RNLS: variants seen among roughly 807,000 people sequenced by gnomAD.
RNLS encodes the protein renalase.
In RNLS, 39 loss-of-function variants were observed where a neutral mutation model predicts 39.8. The observed-to-expected ratio is 0.98, with a 90% CI of 0.76 to 1.28. The LOEUF is 1.28. Among genes scored for constraint, RNLS ranks in the 50% most tolerant of loss-of-function variants. The pLI is 0.00. For missense variants in RNLS, 410 were observed against 413.3 expected (o/e 0.99, Z 0.07); for synonymous variants, 147 against 150.7 (o/e 0.98, Z 0.18).
intron 4 of RNLS, among the ~76,000 whole-genome samples, chr10:88,487,618 T>C (rs1373670207): frequency 6.6e-6 from 1 of 152,180 alleles, no homozygotes; most frequent in East Asian, 1.9e-4. Context: ...GGAACTCTCA[T>C]ATACTGCCAG....
rs544496231 is a variant in RNLS, at chr10:88,366,913, C to A, written c.527-4188G>T. Among the ~76,000 whole-genome samples the A allele has an allele frequency of 2.0e-5, 3 of 151,658 alleles. No homozygotes were observed. The East Asian group carries it at 5.8e-4, about 29-fold the overall frequency. On this transcript the variant is annotated intron_variant, in intron 4 of 6. Coordinates refer to ENST00000331772, the MANE Select transcript of RNLS (RefSeq NM_001031709.3). ...GCTCTCTATTAAACCAATTCACTGC[C>A]CATGACTTCATGGCCAGTGGAGCTC...
intron 4 of RNLS, among the ~76,000 whole-genome samples, chr10:88,446,545 C>G (rs978667733): frequency 1.4e-4 from 21 of 151,994 alleles, no homozygotes; most frequent in African/African-American, 4.6e-4. Context: ...TTGAAATGAT[C>G]AAGAAAATTG....
chr10:88,275,077 C>T (rs1279942379), intron 6 of RNLS: 3 of 1,395,412 alleles, frequency 2.1e-6, no homozygotes, highest in Non-Finnish European at 3.0e-6. Flanking sequence ...CCACCCAACA[C>T]AATGGCCTCT....
chr10:88,477,690 T>C (rs1427246218), intron 4 of RNLS, among the ~76,000 whole-genome samples: 2 of 152,200 alleles, frequency 1.3e-5, no homozygotes, highest in African/African-American at 4.8e-5. Context: ...GGCTAAAGGC[T>C]TCACATGCAT....
chr10:88,517,253 A>G (rs1031727573), intron 4 of RNLS, among the ~76,000 whole-genome samples: 2 of 151,964 alleles, frequency 1.3e-5, no homozygotes, highest in African/African-American at 2.4e-5. Flanking sequence ...TTTATTACAA[A>G]CAGACTTTAC....
the RNLS span, among the ~76,000 whole-genome samples, chr10:88,209,922 C>T: frequency 6.6e-6 from 1 of 150,694 alleles, no homozygotes; most frequent in East Asian, 1.9e-4. Flanking sequence ...AATTAGGAAA[C>T]TTGCCTATGG....
intron 4 of RNLS, among the ~76,000 whole-genome samples, chr10:88,461,644 A>T (rs750665224): frequency 2.6e-5 from 4 of 152,100 alleles, no homozygotes; most frequent in Non-Finnish European, 5.9e-5. Context: ...CCTGGAGGCA[A>T]TGTGTCTCAT....
the RNLS span, among the ~76,000 whole-genome samples, chr10:88,195,018 C>T: frequency 7.2e-5 from 11 of 152,256 alleles, no homozygotes; most frequent in South Asian, 2.1e-4. Context: ...CAGGCATACT[C>T]GAGTGAGTCT....
intron 4 of RNLS, among the ~76,000 whole-genome samples, chr10:88,401,214 C>T (rs947522443): frequency 6.6e-6 from 1 of 151,742 alleles, no homozygotes; most frequent in African/African-American, 2.4e-5. Flanking sequence ...ATCAATGTGA[C>T]AAAAAAGAAA....
In RNLS at chr10:88,583,298, C is replaced by T. The variant is rs1850771954; in HGVS notation, c.-108G>A. On this transcript the variant is annotated 5_prime_UTR_variant, in exon 1 of 7. Coordinates refer to ENST00000331772, the MANE Select transcript of RNLS (RefSeq NM_001031709.3). ...CGCTAGCGCTCTTTGGTTCCGTGCT[C>T]CCTGGGCCGACCTGGGCCCTGAGCT... 1 of 1,508,550 alleles carries T rather than the reference C, an allele frequency of 6.6e-7. No individual in the cohort carries two copies. The highest frequency in any genetic ancestry group is 1.4e-5 in the African/African-American group (1 of 71,480). 93.4% of individuals were successfully genotyped at this position (1,508,550 alleles called of 1,614,324 possible).
chr10:88,353,373 CTGCTGTAAATGTGTCCCAGAGA>C (rs536029587), intron 5 of RNLS, among the ~76,000 whole-genome samples: 117 of 152,278 alleles, frequency 7.7e-4, no homozygotes, highest in South Asian at 3.7e-3. Flanking sequence ...CCTCTACACA[CTGCTGTAAATGTGTCCCAGAGA>C]TTCTGGTATG....
intron 4 of RNLS, among the ~76,000 whole-genome samples, chr10:88,374,286 C>T (rs1337899664): frequency 6.6e-6 from 1 of 152,080 alleles, no homozygotes; most frequent in African/African-American, 2.4e-5. Flanking sequence ...TGACCTATAA[C>T]TTCAATTATA....
chr10:88,293,263 T>C (rs1160001037), intron 6 of RNLS, among the ~76,000 whole-genome samples: 2 of 152,202 alleles, frequency 1.3e-5, no homozygotes, highest in African/African-American at 2.4e-5. Context: ...CAATAATAAA[T>C]AGCTCTGAAG....
At chr10:88,400,402 C>T (rs552959860) in intron 4 of RNLS, among the ~76,000 whole-genome samples, 1 of 151,962 alleles carries the variant, frequency 6.6e-6, no homozygotes, top group East Asian at 1.9e-4. Context: ...TTTTGTCATA[C>T]ATCCATGCCC....
intron 4 of RNLS, among the ~76,000 whole-genome samples, chr10:88,395,221 A>G (rs1041319076): frequency 7.8e-6 from 1 of 128,230 alleles, no homozygotes; most frequent in African/African-American, 3.2e-5. Context: ...AAAAGTATCA[A>G]GAACTTTAAA....
the RNLS span, among the ~76,000 whole-genome samples, chr10:88,249,489 A>G: frequency 6.6e-6 from 1 of 152,210 alleles, no homozygotes; most frequent in Non-Finnish European, 1.5e-5. Context: ...TAGACAGGGT[A>G]TAGCCAAGAT....
chr10:88,385,702 A>AGCCT (rs1851818980), intron 4 of RNLS, among the ~76,000 whole-genome samples: 1 of 152,212 alleles, frequency 6.6e-6, no homozygotes, highest in Admixed American at 6.5e-5. Flanking sequence ...AAACCGTGGC[A>AGCCT]GCCTGCCCTA....
chr10:88,491,377 T>C (rs942418460), intron 4 of RNLS, among the ~76,000 whole-genome samples: 3 of 152,186 alleles, frequency 2.0e-5, no homozygotes, highest in Non-Finnish European at 4.4e-5. Flanking sequence ...CCTGGTTCAT[T>C]GCCCGTAGTG....
the RNLS span, among the ~76,000 whole-genome samples, chr10:88,262,377 T>C: frequency 1.3e-5 from 2 of 152,128 alleles, no homozygotes; most frequent in Admixed American, 1.3e-4. Context: ...TATTTATAAA[T>C]AAAAAGGTTT....
Sources: allele counts gnomAD v4.1 joint callset (sites outside exome capture counted in the v4.1 genomes callset), GRCh38; gene constraint gnomAD v4.1.1; transcripts MANE v1.5; gene names NCBI Gene and HGNC (gene_info 2026-07-23, HGNC 2026-07-21).